CTNNA2: variants seen among roughly 807,000 people sequenced by gnomAD.
CTNNA2 encodes catenin alpha 2.
In CTNNA2, 42 loss-of-function variants were observed where a neutral mutation model predicts 101.0. The observed-to-expected ratio is 0.42, with a 90% CI of 0.32 to 0.54. CTNNA2 has a LOEUF of 0.54. CTNNA2 is among the 20% of genes least tolerant of loss of function. CTNNA2 has a pLI of 0.14. For missense variants in CTNNA2, 871 were observed against 1,223.1 expected (o/e 0.71, Z 4.29); for synonymous variants, 450 against 456.4 (o/e 0.99, Z 0.18).
chr2:79,712,351 A>T (rs1458959088), intron 2 of CTNNA2, among the ~76,000 whole-genome samples: 1 of 152,210 alleles, frequency 6.6e-6, no homozygotes, highest in Non-Finnish European at 1.5e-5. Flanking sequence ...TACCATTCTT[A>T]CTTTCATTGC....
At position 79,891,336 on chromosome 2, in the gene CTNNA2, C is replaced by T. The variant is rs576562683; in HGVS notation, c.852+16994C>T. Among the ~76,000 whole-genome samples the T allele has an allele frequency of 9.2e-5, 14 of 152,242 alleles. No homozygotes were observed. The South Asian group carries it at 1.5e-3, about 16-fold the overall frequency. ...CAGGTGATGTATTTGAGAACTGAATCGCTGTGTAGAATTTTTGCTCTAATT... is the reference window on the plus strand; with the variant it reads ...CAGGTGATGTATTTGAGAACTGAATTGCTGTGTAGAATTTTTGCTCTAATT... On this transcript the variant is annotated intron_variant, in intron 6 of 18. Transcript: ENST00000402739.
chr2:79,814,722 T>G (rs1210468860), intron 3 of CTNNA2, among the ~76,000 whole-genome samples: 1 of 152,136 alleles, frequency 6.6e-6, no homozygotes, highest in East Asian at 1.9e-4. Flanking sequence ...AATTGTGAAT[T>G]GTGCTGCTAT....
intron 7 of CTNNA2, among the ~76,000 whole-genome samples, chr2:79,933,677 A>G (rs990241132): frequency 2.0e-5 from 3 of 151,854 alleles, no homozygotes; most frequent in Admixed American, 6.6e-5. Context: ...CTGGTCTCGA[A>G]CTCCTGACCT....
At chr2:80,629,082 G>T (rs747340979) in intron 18 of CTNNA2, among the ~76,000 whole-genome samples, 1 of 152,064 alleles carries the variant, frequency 6.6e-6, no homozygotes. Flanking sequence ...TGAGCACAGG[G>T]TCCAGAATGT....
rs1553472975 is a variant in CTNNA2, at chr2:80,230,260, G to GTTTC, written c.1057-162948_1057-162947insCTTT. Among the ~76,000 whole-genome samples, 291 of 121,624 alleles carry GTTTC rather than the reference G, an allele frequency of 2.4e-3. 4 individuals are homozygous for GTTTC. Among genetic ancestry groups the GTTTC allele is most frequent in the African/African-American group, 8.5e-3 (257 of 30,402 alleles). 79.8% of individuals were successfully genotyped at this position (121,624 alleles called of 152,430 possible). On this transcript the variant is annotated intron_variant, in intron 7 of 18. Transcript: ENST00000402739. ...TCTCTCTCTCTCTTTTTTTTTCTTT[G>GTTTC]TTTTTTTTTTTTTTTTTAAGAGATA... is the stretch of plus-strand genomic sequence containing the variant.
chr2:79,713,995 G>A (rs1010899934), intron 2 of CTNNA2, among the ~76,000 whole-genome samples: 1 of 152,016 alleles, frequency 6.6e-6, no homozygotes, highest in African/African-American at 2.4e-5. Context: ...CTTCCTCTGG[G>A]TGATCCTTGA....
intron 12 of CTNNA2, among the ~76,000 whole-genome samples, chr2:80,569,546 G>C (rs1462124167): frequency 1.3e-5 from 2 of 149,894 alleles, no homozygotes; most frequent in Non-Finnish European, 3.0e-5. Flanking sequence ...GCTGCGTTTT[G>C]TCCTAATTAG....
chr2:79,758,139 G>A (rs1672520752), intron 3 of CTNNA2, among the ~76,000 whole-genome samples: 1 of 152,098 alleles, frequency 6.6e-6, no homozygotes, highest in African/African-American at 2.4e-5. Context: ...TAAACAAAAT[G>A]TTTGATTTGT....
rs147788938 is a variant in CTNNA2, at chr2:80,033,105, C to T, written c.1056+123308C>T. Among the ~76,000 whole-genome samples the T allele has an allele frequency of 2.9e-3, 415 of 145,344 alleles. 2 individuals carry two copies. The highest frequency in any genetic ancestry group is 9.7e-3 in the African/African-American group (377 of 38,868). On this transcript the variant is annotated intron_variant, in intron 7 of 18. Transcript: ENST00000402739. Reference sequence around the variant, plus strand: ...GGCAGAGGTTGCAGTGAGCTGAGATCGCACCATTGCACTCCAGCCTGGTGA... The same window carrying T: ...GGCAGAGGTTGCAGTGAGCTGAGATTGCACCATTGCACTCCAGCCTGGTGA...
intron 7 of CTNNA2, among the ~76,000 whole-genome samples, chr2:79,992,541 A>G (rs768893289): frequency 9.2e-5 from 14 of 152,192 alleles, no homozygotes; most frequent in Non-Finnish European, 1.9e-4. Context: ...AAAATCTGCA[A>G]AGGTCACTGT....
chr2:79,963,833 G>A (rs6707628), intron 7 of CTNNA2, among the ~76,000 whole-genome samples: 1 of 152,180 alleles, frequency 6.6e-6, no homozygotes, highest in African/African-American at 2.4e-5. Context: ...CCAAACCCCT[G>A]CCAGGTAGAC....
intron 7 of CTNNA2, among the ~76,000 whole-genome samples, chr2:80,139,721 T>A (rs1702894149): frequency 6.6e-6 from 1 of 152,172 alleles, no homozygotes; most frequent in East Asian, 1.9e-4. Context: ...ACACCCTAAA[T>A]GTATCATGTG....
intron 7 of CTNNA2, among the ~76,000 whole-genome samples, chr2:79,942,931 A>G (rs2104462421): frequency 6.6e-6 from 1 of 152,232 alleles, no homozygotes; most frequent in South Asian, 2.1e-4. Context: ...ATTTAAGAGA[A>G]GTCAGCTGAG....
chr2:79,737,010 T>C (rs1032143111), intron 2 of CTNNA2, among the ~76,000 whole-genome samples: 13 of 152,192 alleles, frequency 8.5e-5, no homozygotes, highest in African/African-American at 2.9e-4. Flanking sequence ...TAAGGAATCA[T>C]GATGTATCAT....
At chr2:79,285,235 T>C (rs1292913630) in intron 2 of CTNNA2, among the ~76,000 whole-genome samples, 1 of 150,452 alleles carries the variant, frequency 6.6e-6, no homozygotes, top group Non-Finnish European at 1.5e-5. Context: ...TTGAAGGGTT[T>C]TTTGTGTCTC....
intron 2 of CTNNA2, among the ~76,000 whole-genome samples, chr2:79,279,209 A>G (rs1179679857): frequency 1.3e-5 from 2 of 152,090 alleles, no homozygotes; most frequent in Admixed American, 1.3e-4. Context: ...TTAACTGCAA[A>G]TATTTATTAT....
intron 7 of CTNNA2, among the ~76,000 whole-genome samples, chr2:80,129,131 A>C (rs1311488715): frequency 6.6e-6 from 1 of 152,202 alleles, no homozygotes; most frequent in Non-Finnish European, 1.5e-5. Flanking sequence ...GGGAGTAGAC[A>C]TGATGTTTGG....
At chr2:80,335,407 A>G (rs772519066) in intron 7 of CTNNA2, among the ~76,000 whole-genome samples, 1 of 152,334 alleles carries the variant, frequency 6.6e-6, no homozygotes, top group South Asian at 2.1e-4. Flanking sequence ...GCCTACCTTC[A>G]GACTGGCCCC....
intron 7 of CTNNA2, among the ~76,000 whole-genome samples, chr2:79,923,420 G>T (rs1471859148): frequency 6.9e-6 from 1 of 145,308 alleles, no homozygotes; most frequent in East Asian, 1.9e-4. Flanking sequence ...GAGTAGGAGA[G>T]AAGATCTGGT....
Sources: allele counts gnomAD v4.1 joint callset (sites outside exome capture counted in the v4.1 genomes callset), GRCh38; gene constraint gnomAD v4.1.1; transcripts MANE v1.5; gene names NCBI Gene and HGNC (gene_info 2026-07-23, HGNC 2026-07-21).